Variants in SORCS2 observed in about 807,000 individuals in gnomAD.
SORCS2 encodes the protein VPS10 domain-containing receptor SorCS2.
Under a neutral mutation model 141.6 loss-of-function variants are expected in SORCS2, and 100 were observed. That is an observed-to-expected ratio of 0.71 (90% CI 0.60 to 0.83). The LOEUF is 0.83. Ranked by LOEUF, SORCS2 falls within the 40% of genes least tolerant of loss-of-function variation. The probability of loss-of-function intolerance (pLI) is 0.00; values close to 1 mark genes in which losing one functional copy is unlikely to be tolerated. For synonymous variants in SORCS2, 789 were observed against 676.9 expected, an observed-to-expected ratio of 1.17 and a Z score of -2.57; for missense variants, 1,646 against 1,560.2, an observed-to-expected ratio of 1.05 and a Z score of -0.93.
In SORCS2 at chr4:7,622,509, G is replaced by T. The variant is rs529732735; in HGVS notation, c.649-15819G>T. ...ATGTGCTGGTCCAGCCGGCCCCTCT[G>T]CTGCTGCGTCCTGCTTCCAGGCATC... On this transcript the variant is annotated intron_variant, in intron 3 of 26. Transcript: ENST00000507866. Among the ~76,000 whole-genome samples, 8 of 152,312 alleles carry T rather than the reference G, an allele frequency of 5.3e-5. No individual in the cohort carries two copies. The East Asian group carries it at 1.5e-3, about 29-fold the overall frequency.
At chr4:7,702,686 C>A (rs58569057) in intron 12 of SORCS2, among the ~76,000 whole-genome samples, 1 of 152,258 alleles carries the variant, frequency 6.6e-6, no homozygotes, top group Non-Finnish European at 1.5e-5. Flanking sequence ...TCCACACATA[C>A]TCCCTGGCAC....
chr4:7,433,505 G>A, intron 2 of SORCS2: 1 of 1,603,584 alleles, frequency 6.2e-7, no homozygotes, highest in Non-Finnish European at 8.5e-7. Flanking sequence ...ACAGCCACGG[G>A]GTCCATCATG....
At chr4:7,403,103 T>C (rs1429526748) in intron 2 of SORCS2, among the ~76,000 whole-genome samples, 1 of 152,160 alleles carries the variant, frequency 6.6e-6, no homozygotes, top group African/African-American at 2.4e-5. Context: ...CGAAGTGCAA[T>C]TGTTAGAATA....
chr4:7,387,877 C>G lies in SORCS2; in HGVS notation c.481-8411C>G, dbSNP rs1182740835. 2.4e-5 allele frequency among the ~76,000 whole-genome samples: 3 copies of G among 126,256 alleles called. 1 individual carries two copies. Among genetic ancestry groups the G allele is most frequent in the African/African-American group, 8.8e-5 (3 of 34,234 alleles). The allele number at this position is 126,256 out of a possible 152,430, so 82.8% of individuals were successfully genotyped here. A position where few individuals can be genotyped will look rare whatever the true frequency, so the allele number is the denominator to read the frequency against. On this transcript the variant is annotated intron_variant, in intron 1 of 26. Coordinates refer to ENST00000507866, the MANE Select transcript of SORCS2 (RefSeq NM_020777.3). ...ACATACAGGTACACAGAGATACACA[C>G]AGATGCACACACAGGCACACAGAGA...
At chr4:7,227,439 G>C (rs9991443) in intron 1 of SORCS2, among the ~76,000 whole-genome samples, 1,734 of 152,292 alleles carry the variant, frequency 0.011, 31 homozygotes, top group African/African-American at 0.039. Flanking sequence ...CTCCAGAGCA[G>C]ACGTAGCCCT....
At chr4:7,606,511 A>G (rs1442753155) in intron 3 of SORCS2, among the ~76,000 whole-genome samples, 1 of 151,998 alleles carries the variant, frequency 6.6e-6, no homozygotes, top group Non-Finnish European at 1.5e-5. Flanking sequence ...TGTTCCTCTC[A>G]GAAGTTTCCA....
Position 7,394,300 on chromosome 4 carries a change from C to G in SORCS2, c.481-1988C>G, listed in dbSNP as rs541974658. On this transcript the variant is annotated intron_variant, in intron 1 of 26. Coordinates refer to ENST00000507866, the MANE Select transcript of SORCS2 (RefSeq NM_020777.3). ...TTGTTATATGGCAGGTGCTGTGCCCCGCACTGGGGAGATAAATAAGGTCCC... is the reference window on the plus strand; with the variant it reads ...TTGTTATATGGCAGGTGCTGTGCCCGGCACTGGGGAGATAAATAAGGTCCC... 6.6e-5 allele frequency among the ~76,000 whole-genome samples: 10 copies of G among 151,984 alleles called. No individual in the cohort carries two copies. The East Asian group carries it at 1.9e-3, about 30-fold the overall frequency.
intron 3 of SORCS2, among the ~76,000 whole-genome samples, chr4:7,535,763 G>A (rs1712067759): frequency 6.6e-6 from 1 of 152,226 alleles, no homozygotes; most frequent in Non-Finnish European, 1.5e-5. Context: ...GTCTGTTGGA[G>A]GGACCACACA....
intron 3 of SORCS2, among the ~76,000 whole-genome samples, chr4:7,608,324 C>T (rs1197992241): frequency 6.6e-6 from 1 of 152,186 alleles, no homozygotes; most frequent in Non-Finnish European, 1.5e-5. Flanking sequence ...ATCTCCGGAC[C>T]ACGTCACTCA....
At chr4:7,445,195 T>A (rs1276319626) in intron 2 of SORCS2, among the ~76,000 whole-genome samples, 1 of 152,194 alleles carries the variant, frequency 6.6e-6, no homozygotes, top group Non-Finnish European at 1.5e-5. Flanking sequence ...TGAGAGTCTC[T>A]GGGACATGCC....
chr4:7,507,228 G>A (rs1215990711), intron 2 of SORCS2, among the ~76,000 whole-genome samples: 1 of 149,536 alleles, frequency 6.7e-6, no homozygotes, highest in Non-Finnish European at 1.5e-5. Context: ...AGGCTGGAGT[G>A]CAGTGGCGTG....
chr4:7,236,962 CCCAGGGCTCTGCTGAG>C (rs1392241102), intron 1 of SORCS2, among the ~76,000 whole-genome samples: 4 of 152,194 alleles, frequency 2.6e-5, no homozygotes, highest in Non-Finnish European at 5.9e-5. Flanking sequence ...TTGGGGGAGT[CCCAGGGCTCTGCTGAG>C]CCCACCTGGG....
Position 7,723,848 on chromosome 4 carries a change from G to T in SORCS2, c.2576G>T (p.Gly859Val), listed in dbSNP as rs1269139653. 1 of 1,611,522 alleles carries T rather than the reference G, an allele frequency of 6.2e-7. No homozygotes were observed. Among genetic ancestry groups the T allele is most frequent in the Admixed American group, 1.7e-5 (1 of 59,940 alleles). The change falls in exon 19 of 27, where the codon GGC (glycine) becomes GTC (valine). Residue 859 changes from glycine to valine, a missense_variant. Transcript: ENST00000507866. ...TCCGTCAGGGCAGAGAACACGGCAG[G>T]CCACGATGAGGCGGTGCTCTTTGTC... ...RVSVRAENTA[G>V]HDEAVLFVQV...
At chr4:7,513,709 A>G (rs1351462464) in intron 2 of SORCS2, among the ~76,000 whole-genome samples, 1 of 152,188 alleles carries the variant, frequency 6.6e-6, no homozygotes, top group Admixed American at 6.5e-5. Context: ...TGTGGCTGGA[A>G]CAATCAATTC....
intron 1 of SORCS2, among the ~76,000 whole-genome samples, chr4:7,306,923 G>A (rs754023023): frequency 6.6e-6 from 1 of 152,226 alleles, no homozygotes; most frequent in Non-Finnish European, 1.5e-5. Context: ...TTTCCATGCA[G>A]AGCACCTAGA....
chr4:7,620,190 G>C (rs1007544866), intron 3 of SORCS2, among the ~76,000 whole-genome samples: 3 of 152,088 alleles, frequency 2.0e-5, no homozygotes, highest in Non-Finnish European at 2.9e-5. Context: ...ATTCTTACAG[G>C]TTTCCCTAAT....
chr4:7,331,857 G>T (rs1008219991), intron 1 of SORCS2, among the ~76,000 whole-genome samples: 1 of 152,174 alleles, frequency 6.6e-6, no homozygotes, highest in East Asian at 1.9e-4. Flanking sequence ...GACAGGTGGG[G>T]ACACTGAGGC....
At chr4:7,461,423 G>A (rs546071422) in intron 2 of SORCS2, among the ~76,000 whole-genome samples, 21 of 152,294 alleles carry the variant, frequency 1.4e-4, no homozygotes, top group Middle Eastern at 3.4e-3. Context: ...CGCCAAGGCC[G>A]CCTCTGCATG....
intron 1 of SORCS2, among the ~76,000 whole-genome samples, chr4:7,368,870 C>T (rs1340898811): frequency 6.6e-6 from 1 of 152,158 alleles, no homozygotes; most frequent in Admixed American, 6.5e-5. Flanking sequence ...CTGCATTGTT[C>T]TCTTGATAGT....
Sources: gnomAD v4.1 joint callset for allele counts (sites outside exome capture counted in the v4.1 genomes callset) on GRCh38, gnomAD v4.1.1 for gene constraint, MANE v1.5 for transcripts, NCBI Gene and HGNC (gene_info 2026-07-23, HGNC 2026-07-21) for gene names.